The following TRMT11 variants were observed in gnomAD, a reference collection of about 807,000 sequenced individuals.
TRMT11 encodes tRNA (guanine(10)-N(2))-methyltransferase TRMT11.
A neutral mutation model predicts 62.8 loss-of-function variants in TRMT11; 53 were observed. The observed-to-expected ratio is 0.84, with a 90% CI of 0.68 to 1.06. The LOEUF is 1.06. Among genes scored for constraint, TRMT11 ranks in the 50% least tolerant of loss-of-function variants. TRMT11 has a pLI of 0.00. For missense variants in TRMT11, 556 were observed against 553.4 expected (o/e 1.00, Z -0.05); for synonymous variants, 188 against 190.3 (o/e 0.99, Z 0.10).
At chr6:125,990,454 C>CT (rs1471778483) in intron 1 of TRMT11, among the ~76,000 whole-genome samples, 3 of 152,118 alleles carry the variant, frequency 2.0e-5, no homozygotes, top group Admixed American at 6.5e-5. Context: ...GGCCCTTTCT[C>CT]TTTTTTTCCC....
intron 21 of TRMT11, among the ~76,000 whole-genome samples, chr6:126,166,349 T>C (rs1203471111): frequency 1.3e-5 from 2 of 152,204 alleles, no homozygotes; most frequent in Non-Finnish European, 2.9e-5. Context: ...CTGATGTTGA[T>C]GCTATTCCTT....
At chr6:126,066,427 C>T (rs868725100) in intron 17 of TRMT11, among the ~76,000 whole-genome samples, 16 of 152,298 alleles carry the variant, frequency 1.1e-4, no homozygotes, top group East Asian at 1.9e-4. Context: ...TTGGGAAGGG[C>T]GCTCTTTGTT....
At chr6:126,116,787 A>G (rs1777592047) in intron 21 of TRMT11, among the ~76,000 whole-genome samples, 1 of 152,124 alleles carries the variant, frequency 6.6e-6, no homozygotes, top group Non-Finnish European at 1.5e-5. Flanking sequence ...ACAGTTTTAT[A>G]CAAGCAATAC....
rs1437823399 is a variant in TRMT11 at position 125,986,579 on chromosome 6, A to G, written c.29A>G (p.Tyr10Cys). The change falls in exon 1 of 13, where the codon TAT becomes TGT. Residue 10 changes from tyrosine (Y) to cysteine (C), a missense_variant. Coordinates refer to ENST00000334379, the MANE Select transcript of TRMT11 (RefSeq NM_001031712.3). Reference sequence around the variant, plus strand: ...GCGCTGTCGTGTACCCTTAACAGGTATCTGCTCCTCATGGCGCAGGAGCAT... The same window carrying G: ...GCGCTGTCGTGTACCCTTAACAGGTGTCTGCTCCTCATGGCGCAGGAGCAT... MALSCTLNR[Y>C]LLLMAQEHLE... The G allele has an allele frequency of 1.3e-6, 2 of 1,591,696 alleles. No individual in the cohort carries two copies. The highest frequency in any genetic ancestry group is 1.7e-6 in the Non-Finnish European group (2 of 1,171,274).
intron 3 of TRMT11, 88 bp from the exon 4 acceptor site, chr6:125,997,965 G>A: frequency 2.2e-6 from 2 of 891,168 alleles, no homozygotes; most frequent in Non-Finnish European, 3.8e-6. Context: ...TCAGTGGAGT[G>A]TGCATAAAGA....
At chr6:126,025,881 C>G (rs185404400) in intron 12 of TRMT11, among the ~76,000 whole-genome samples, 5 of 151,866 alleles carry the variant, frequency 3.3e-5, no homozygotes, top group African/African-American at 1.2e-4. Context: ...AGTATTCTCC[C>G]TATCCCTCTT....
chr6:126,081,577 G>C (rs563247056), intron 17 of TRMT11, among the ~76,000 whole-genome samples: 15 of 152,290 alleles, frequency 9.8e-5, no homozygotes, highest in African/African-American at 3.6e-4. Context: ...GTGGTCTGGA[G>C]TAAGGGGATA....
intron 12 of TRMT11, among the ~76,000 whole-genome samples, chr6:126,025,003 A>C (rs1430851606): frequency 6.6e-6 from 1 of 152,214 alleles, no homozygotes; most frequent in Non-Finnish European, 1.5e-5. Flanking sequence ...TTAAGTCGTG[A>C]TATTAGAAAG....
At chr6:126,218,010 G>T in the TRMT11 span, among the ~76,000 whole-genome samples, 1 of 152,132 alleles carries the variant, frequency 6.6e-6, no homozygotes, top group African/African-American at 2.4e-5. Flanking sequence ...AAGCAGAGGA[G>T]TCTTTTCCCC....
At chr6:126,100,905 G>T (rs1161737179) in intron 17 of TRMT11, among the ~76,000 whole-genome samples, 5 of 152,122 alleles carry the variant, frequency 3.3e-5, no homozygotes, top group African/African-American at 7.2e-5. Flanking sequence ...GTGAGACAGT[G>T]ACAGATCATC....
chr6:126,037,800 G>A (rs551099654), intron 12 of TRMT11, among the ~76,000 whole-genome samples: 1 of 152,098 alleles, frequency 6.6e-6, no homozygotes, highest in South Asian at 2.1e-4. Context: ...TTTGAGGATT[G>A]TTATATTCCA....
At chr6:126,001,558 T>G (rs975253279) in intron 7 of TRMT11, among the ~76,000 whole-genome samples, 1 of 152,168 alleles carries the variant, frequency 6.6e-6, no homozygotes, top group Non-Finnish European at 1.5e-5. Flanking sequence ...AGGTTGTGTT[T>G]GATTTTTTTC....
At chr6:126,134,429 T>G (rs1777826338) in intron 21 of TRMT11, among the ~76,000 whole-genome samples, 1 of 151,732 alleles carries the variant, frequency 6.6e-6, no homozygotes, top group South Asian at 2.1e-4. Flanking sequence ...TGATAAAACG[T>G]CAATTTAGCA....
chr6:125,996,121 C>T (rs2128752272), intron 3 of TRMT11, 81 bp downstream of exon 3: 1 of 974,718 alleles, frequency 1.0e-6, no homozygotes, highest in Non-Finnish European at 1.6e-6. Context: ...CTATATTGGG[C>T]AGTGTGAAGG....
intron 17 of TRMT11, among the ~76,000 whole-genome samples, chr6:126,082,676 G>A (rs959039894): frequency 2.6e-5 from 4 of 152,006 alleles, no homozygotes; most frequent in Non-Finnish European, 5.9e-5. Context: ...GACTCATAGA[G>A]CCTTGAAACT....
chr6:125,987,661 G>C (rs950518896), intron 1 of TRMT11, among the ~76,000 whole-genome samples: 1 of 152,160 alleles, frequency 6.6e-6, no homozygotes, highest in African/African-American at 2.4e-5. Context: ...GGAGTAAGAG[G>C]ATGGGATAGA....
At position 126,095,984 on chromosome 6, in the gene TRMT11, G is replaced by A. The variant is rs183000765; in HGVS notation, c.*1438-16882G>A. ...AGCAGGGATAGGAGAAAGAAAAGAGGTAACACTGGAGTCACATGGTCCGAC... is the reference window on the plus strand; with the variant it reads ...AGCAGGGATAGGAGAAAGAAAAGAGATAACACTGGAGTCACATGGTCCGAC... On this transcript the variant is annotated intron_variant and NMD_transcript_variant, in intron 17 of 22. Transcript: ENST00000648977. Among the ~76,000 whole-genome samples the A allele has an allele frequency of 1.2e-4, 18 of 152,262 alleles. 1 individual carries two copies. Among genetic ancestry groups the A allele is most frequent in the Admixed American group, 9.2e-4 (14 of 15,300 alleles).
chr6:126,045,842 C>G (rs1447851285), intron 16 of TRMT11, among the ~76,000 whole-genome samples: 1 of 152,088 alleles, frequency 6.6e-6, no homozygotes, highest in African/African-American at 2.4e-5. Context: ...TATTTTATGG[C>G]TCAGCTCCTC....
In TRMT11 at chr6:126,012,263, T is replaced by A. The variant is rs75249246; in HGVS notation, c.926-508T>A. Among the ~76,000 whole-genome samples the A allele has an allele frequency of 1.4e-3, 216 of 150,314 alleles. 4 individuals carry two copies. In the East Asian group the frequency reaches 0.029, roughly 20 times the overall value. On this transcript the variant is annotated intron_variant, in intron 9 of 12. Coordinates refer to ENST00000334379, the MANE Select transcript of TRMT11 (RefSeq NM_001031712.3). ...TCTGTGTTTACTTATATAAAATACA[T>A]TTTTTTTTTCCGATCAACTTGAGAG...
Sources: allele counts gnomAD v4.1 joint callset (sites outside exome capture counted in the v4.1 genomes callset), GRCh38; gene constraint gnomAD v4.1.1; transcripts MANE v1.5; gene names NCBI Gene and HGNC (gene_info 2026-07-23, HGNC 2026-07-21).